Variants in LTA observed in about 807,000 individuals in gnomAD.
LTA encodes lymphotoxin alpha.
LTA carries 6 observed loss-of-function variants against 15.1 expected under a neutral mutation model. The observed-to-expected ratio is 0.40, with a 90% CI of 0.22 to 0.78. The LOEUF is 0.78. Ranked by LOEUF, LTA falls within the 30% of genes least tolerant of loss-of-function variation. The pLI is 0.38. For missense variants in LTA, 173 were observed against 249.5 expected, an observed-to-expected ratio of 0.69 and a Z score of 2.06; for synonymous variants, 87 against 107.3, an observed-to-expected ratio of 0.81 and a Z score of 1.17.
the LTA span, among the ~76,000 whole-genome samples, chr6:31,562,394 G>A: frequency 6.6e-6 from 1 of 152,076 alleles, no homozygotes; most frequent in Non-Finnish European, 1.5e-5. Context: ...ACAGTTGAGG[G>A]AAATTTTACC....
Position 31,573,005 on chromosome 6 carries a change from C to T in LTA, c.177C>T (p.Ser59=). 6.2e-7 allele frequency: 1 copy of T among 1,612,644 alleles called. No individual in the cohort carries two copies. The highest frequency in any genetic ancestry group is 8.5e-7 in the Non-Finnish European group (1 of 1,179,866). Residue 59 remains serine (S), a synonymous_variant, in exon 3 of 4, where the codon AGC becomes AGT. Transcript: ENST00000418386. ...RQHPKMHLAH[S]TLKPAAHLIG... ...ACCCCAAGATGCATCTTGCCCACAG[C>T]ACCCTCAAACCTGCTGCTCACCTCA... is the stretch of plus-strand genomic sequence containing the variant.
chr6:31,569,788 C>T (rs1220905712), upstream of LTA, among the ~76,000 whole-genome samples: 2 of 96,140 alleles, frequency 2.1e-5, no homozygotes, highest in Non-Finnish European at 4.1e-5. Flanking sequence ...CAGTGAGAAA[C>T]TGTCTCAAAA....
At chr6:31,569,696 C>G (rs1770735486), upstream of LTA, among the ~76,000 whole-genome samples, 2 of 151,580 alleles carry the variant, frequency 1.3e-5, no homozygotes, top group African/African-American at 4.9e-5. Flanking sequence ...ACTCGGGAGG[C>G]TGAGGCAGGA....
upstream of LTA, among the ~76,000 whole-genome samples, chr6:31,567,672 ACACACGCACGCATG>A (rs1403357861): frequency 6.1e-5 from 3 of 48,978 alleles, no homozygotes; most frequent in African/African-American, 1.8e-4. Context: ...ACACACACAC[ACACACGCACGCATG>A]CACGCACCAC....
upstream of LTA, among the ~76,000 whole-genome samples, chr6:31,569,009 T>C (rs558787618): frequency 3.9e-5 from 6 of 152,228 alleles, no homozygotes; most frequent in Non-Finnish European, 1.5e-5. Flanking sequence ...TTTTGTTTTG[T>C]TTTTTGGTTT....
At chr6:31,564,348 G>A in the LTA span, among the ~76,000 whole-genome samples, 1 of 151,784 alleles carries the variant, frequency 6.6e-6, no homozygotes, top group African/African-American at 2.4e-5. Context: ...GGTGTGATCT[G>A]GGCTCACTGC....
chr6:31,566,544 A>G, the LTA span, among the ~76,000 whole-genome samples: 16 of 150,170 alleles, frequency 1.1e-4, no homozygotes, highest in Admixed American at 4.7e-4. Context: ...GGAGACTGAC[A>G]TAGGTGGATT....
chr6:31,571,776 T>G (rs2150383384), upstream of LTA, among the ~76,000 whole-genome samples: 2 of 152,280 alleles, frequency 1.3e-5, no homozygotes, highest in South Asian at 4.2e-4. Flanking sequence ...GAAGGGGATA[T>G]ATAATGGACC....
upstream of LTA, among the ~76,000 whole-genome samples, chr6:31,567,677 C>CACGCAT (rs1491206442): frequency 2.8e-5 from 1 of 35,392 alleles, no homozygotes; most frequent in Non-Finnish European, 6.5e-5. Context: ...CACACACACA[C>CACGCAT]GCACGCATGC....
At chr6:31,572,692 G>C in intron 1 of LTA, 42 bp from the exon 2 acceptor site, 1 of 1,472,248 alleles carries the variant, frequency 6.8e-7, no homozygotes, top group Non-Finnish European at 9.4e-7. Flanking sequence ...CGCGTGCCCC[G>C]CCCCGCTCAC....
chr6:31,561,475 G>T, the LTA span, among the ~76,000 whole-genome samples: 6 of 152,094 alleles, frequency 3.9e-5, no homozygotes, highest in African/African-American at 1.4e-4. Context: ...AGGATCACTT[G>T]AGGCCAGGAG....
chr6:31,563,806 C>T, the LTA span, among the ~76,000 whole-genome samples: 1 of 152,168 alleles, frequency 6.6e-6, no homozygotes, highest in Admixed American at 6.5e-5. Context: ...TGGGGCTTCA[C>T]CACATTGGCC....
chr6:31,567,275 C>T (rs1036737584), upstream of LTA, among the ~76,000 whole-genome samples: 9 of 151,864 alleles, frequency 5.9e-5, no homozygotes, highest in Admixed American at 2.0e-4. Flanking sequence ...GCCTGGGCAA[C>T]GAGCGAAACC....
chr6:31,563,911 A>G, the LTA span, among the ~76,000 whole-genome samples: 2 of 152,090 alleles, frequency 1.3e-5, no homozygotes, highest in Non-Finnish European at 2.9e-5. Context: ...CCCGGCGGTA[A>G]GAGATTCTAA....
At chr6:31,569,405 A>G (rs1013115571), upstream of LTA, among the ~76,000 whole-genome samples, 1 of 152,204 alleles carries the variant, frequency 6.6e-6, no homozygotes, top group African/African-American at 2.4e-5. Flanking sequence ...AGGAAGCAAA[A>G]AGGACCCTGA....
At chr6:31,562,551 G>A in the LTA span, among the ~76,000 whole-genome samples, 1 of 152,142 alleles carries the variant, frequency 6.6e-6, no homozygotes, top group Admixed American at 6.5e-5. Context: ...AAAATTGAAG[G>A]TAAAATGAAG....
upstream of LTA, among the ~76,000 whole-genome samples, chr6:31,570,411 G>A (rs888807889): frequency 3.3e-5 from 5 of 152,076 alleles, no homozygotes; most frequent in Non-Finnish European, 5.9e-5. Flanking sequence ...GCTTTACCCC[G>A]GGTCACCACC....
At chr6:31,561,524 C>G in the LTA span, among the ~76,000 whole-genome samples, 1 of 151,980 alleles carries the variant, frequency 6.6e-6, no homozygotes, top group African/African-American at 2.4e-5. Flanking sequence ...AACCCCGTCT[C>G]TACTAAAAAT....
chr6:31,573,912 A>G lies in LTA; in HGVS notation c.*219A>G. ...ACCATCCCTGATGTCTGTCTGGCTG[A>G]GGATTTCAAGCCTGCCTAGGAATTC... On this transcript the variant is annotated 3_prime_UTR_variant, in exon 4 of 4. Coordinates refer to ENST00000418386, the MANE Select transcript of LTA (RefSeq NM_000595.4). The G allele has an allele frequency of 2.8e-6, 2 of 711,578 alleles. No homozygotes were observed. Among genetic ancestry groups the G allele is most frequent in the Non-Finnish European group, 5.1e-6 (2 of 395,246 alleles). 44.1% of individuals were successfully genotyped at this position (711,578 alleles called of 1,614,324 possible).
Sources: gnomAD v4.1 joint callset for allele counts (sites outside exome capture counted in the v4.1 genomes callset) on GRCh38, gnomAD v4.1.1 for gene constraint, MANE v1.5 for transcripts, NCBI Gene and HGNC (gene_info 2026-07-23, HGNC 2026-07-21) for gene names.